Variants in INAVA observed in about 807,000 individuals in gnomAD.
The protein encoded by INAVA is innate immunity activator protein.
INAVA carries 32 observed loss-of-function variants against 55.3 expected under a neutral mutation model. The observed-to-expected ratio is 0.58, with a 90% CI of 0.44 to 0.78. The LOEUF is 0.78. INAVA is among the 30% of genes least tolerant of loss of function. The pLI is 0.00. For missense variants in INAVA, 756 were observed against 786.4 expected (o/e 0.96, Z 0.46); for synonymous variants, 294 against 329.4 (o/e 0.89, Z 1.16).
At chr1:200,896,325 G>A (rs1668350590) in intron 1 of INAVA, among the ~76,000 whole-genome samples, 2 of 127,488 alleles carry the variant, frequency 1.6e-5, no homozygotes, top group South Asian at 5.2e-4. Context: ...CCTGCTCTTG[G>A]CTTCTGGGGA....
intron 9 of INAVA, among the ~76,000 whole-genome samples, chr1:200,912,848 G>T (rs1184654822): frequency 6.6e-6 from 1 of 152,138 alleles, no homozygotes; most frequent in African/African-American, 2.4e-5. Flanking sequence ...TTATCATCTG[G>T]GGCCACAGAG....
Position 200,902,648 on chromosome 1 carries a change from C to T in INAVA, c.520+1489C>T, listed in dbSNP as rs980569023. ...CTTGAAAGGTAGCTGCTGAATTGGA[C>T]ATGGAAGCCCCTAAGGGCCAACTTG... On this transcript the variant is annotated intron_variant, in intron 5 of 9. Coordinates refer to ENST00000413687, the MANE Select transcript of INAVA (RefSeq NM_001142569.3). 1.1e-4 allele frequency among the ~76,000 whole-genome samples: 17 copies of T among 152,350 alleles called. No individual in the cohort carries two copies. In the South Asian group the frequency reaches 1.5e-3, roughly 13 times the overall value.
chr1:200,894,173 C>CTTAG (rs1201026699), upstream of INAVA, among the ~76,000 whole-genome samples: 1 of 152,048 alleles, frequency 6.6e-6, no homozygotes, highest in Non-Finnish European at 1.5e-5. Context: ...GGGGAGTGGA[C>CTTAG]TTAGGGTCTG....
At chr1:200,913,299 AGGAGGAGGT>A (rs1653823749) in intron 9 of INAVA, among the ~76,000 whole-genome samples, 4 of 152,086 alleles carry the variant, frequency 2.6e-5, no homozygotes, top group Non-Finnish European at 5.9e-5. Context: ...AAGGTGGGGG[AGGAGGAGGT>A]CAGGGCGCCT....
At chr1:200,910,614 C>T (rs1653671003) in intron 8 of INAVA, among the ~76,000 whole-genome samples, 1 of 152,188 alleles carries the variant, frequency 6.6e-6, no homozygotes, top group Admixed American at 6.5e-5. Flanking sequence ...CAGAGTCTTG[C>T]TCTGTCATCC....
In INAVA at chr1:200,904,925, T is replaced by C. The variant is rs182871692; in HGVS notation, c.521-2909T>C. Among the ~76,000 whole-genome samples the C allele has an allele frequency of 1.6e-3, 246 of 152,192 alleles. 1 individual carries two copies. The highest frequency in any genetic ancestry group is 4.3e-3 in the Admixed American group (65 of 15,282). On this transcript the variant is annotated intron_variant, in intron 5 of 9. Coordinates refer to ENST00000413687, the MANE Select transcript of INAVA (RefSeq NM_001142569.3). ...AAAACAAAACAAAACAAAAAAACTA[T>C]TTTAGAGATGGGATCTTGCTATATT...
intron 1 of INAVA, among the ~76,000 whole-genome samples, chr1:200,896,815 T>A (rs1413185693): frequency 6.6e-6 from 1 of 152,236 alleles, no homozygotes; most frequent in Non-Finnish European, 1.5e-5. Flanking sequence ...GACTTTTCTG[T>A]CGTGTTGGCT....
intron 8 of INAVA, 68 bp from the exon 9 acceptor site, chr1:200,911,385 C>T: frequency 1.4e-6 from 2 of 1,449,394 alleles, no homozygotes; most frequent in South Asian, 2.5e-5. Flanking sequence ...TTAACTCCAC[C>T]TCCCGCCCCA....
chr1:200,896,817 G>A (rs1021915473), intron 1 of INAVA, among the ~76,000 whole-genome samples: 9 of 152,254 alleles, frequency 5.9e-5, no homozygotes, highest in African/African-American at 1.9e-4. Flanking sequence ...CTTTTCTGTC[G>A]TGTTGGCTGC....
chr1:200,897,088 GA>G (rs949902883), intron 1 of INAVA, among the ~76,000 whole-genome samples: 5 of 152,258 alleles, frequency 3.3e-5, no homozygotes, highest in African/African-American at 1.2e-4. Context: ...TGAGGAGGGA[GA>G]GGGGGTGGGC....
At chr1:200,913,165 C>T (rs972734098) in intron 9 of INAVA, among the ~76,000 whole-genome samples, 29 of 152,262 alleles carry the variant, frequency 1.9e-4, no homozygotes, top group African/African-American at 6.3e-4. Context: ...GGCCCCGGTC[C>T]GAGGCCGCGC....
Position 200,894,941 on chromosome 1 carries a change from A to C in INAVA, c.-241A>C, listed in dbSNP as rs1668309803. 2.0e-6 allele frequency: 2 copies of C among 985,570 alleles called. No homozygotes were observed. The highest frequency in any genetic ancestry group is 2.4e-6 in the Non-Finnish European group (2 of 830,160). 61.1% of individuals were successfully genotyped at this position (985,570 alleles called of 1,614,324 possible). A position where few individuals can be genotyped will look rare whatever the true frequency, so the allele number is the denominator to read the frequency against. On this transcript the variant is annotated 5_prime_UTR_variant, in exon 1 of 10. Transcript: ENST00000413687. The stretch of plus-strand genomic sequence containing the variant: ...CGGCAAGGTAGGCAGGTGAGCCGAG[A>C]CGGACGGACGGCCAGCAGCTCCGTC...
chr1:200,900,177 T>C lies in INAVA; in HGVS notation c.254T>C (p.Ile85Thr). Residue 85 changes from isoleucine to threonine, a missense_variant, in exon 4 of 10, where the codon ATC (isoleucine) becomes ACC (threonine). Coordinates refer to ENST00000413687, the MANE Select transcript of INAVA (RefSeq NM_001142569.3). ...AAGGCCCCCAAGGTTCGCCGCAGGA[T>C]CGGAGCGGCTTACAAACTGGATGAC... ...GEKAPKVRRR[I>T]GAAYKLDDWA... 1 of 1,614,086 alleles carries C rather than the reference T, an allele frequency of 6.2e-7. No homozygotes were observed. The highest frequency in any genetic ancestry group is 8.5e-7 in the Non-Finnish European group (1 of 1,179,968).
At position 200,911,898 on chromosome 1, in the gene INAVA, C is replaced by T. The variant is rs61745433; in HGVS notation, c.1405C>T (p.Arg469Cys). 1,726 of 1,581,504 alleles carry T rather than the reference C, an allele frequency of 1.1e-3. 4 individuals are homozygous for T. Among genetic ancestry groups the T allele is most frequent in the Middle Eastern group, 5.2e-3 (23 of 4,466 alleles). Residue 469 changes from arginine to cysteine, a missense_variant, in exon 9 of 10, where the codon CGC becomes TGC. Arg to Cys is a radical substitution (Grantham distance 180, BLOSUM62 -3). This residue lies in a region of INAVA where 117 missense variants were observed against 162.1 expected (regional missense o/e 0.72). Transcript: ENST00000413687. ...PAYEEEGTPL[R>C]YQRLVPSRSR... ...TTACGAGGAGGAGGGCACTCCCCTG[C>T]GCTACCAGCGTCTGGTGCCCTCCCG... is the stretch of plus-strand genomic sequence containing the variant.
At chr1:200,909,500 G>A (rs1430093262) in intron 8 of INAVA, 103 bp downstream of exon 8, 2 of 1,085,248 alleles carry the variant, frequency 1.8e-6, no homozygotes, top group Non-Finnish European at 2.5e-6. Flanking sequence ...GGTGACACAT[G>A]GCTAGTGCCT....
chr1:200,908,884 C>T lies in INAVA; in HGVS notation c.729C>T (p.Ser243=). ...AGAACAGCCCCTGGAAGGAAACCAG[C>T]CTGGACCACCCCTATGAGAAGCCCA... The part of the protein sequence containing the change: ...PVQNSPWKET[S]LDHPYEKPRK... The change falls in exon 7 of 10, where the codon AGC becomes AGT. Residue 243 remains serine, a synonymous_variant. Coordinates refer to ENST00000413687, the MANE Select transcript of INAVA (RefSeq NM_001142569.3). 1.9e-6 allele frequency: 3 copies of T among 1,613,976 alleles called. No individual in the cohort carries two copies. The highest frequency in any genetic ancestry group is 1.1e-5 in the South Asian group (1 of 91,076).
At chr1:200,906,890 A>G (rs985555122) in intron 5 of INAVA, among the ~76,000 whole-genome samples, 1 of 152,080 alleles carries the variant, frequency 6.6e-6, no homozygotes, top group Admixed American at 6.5e-5. Context: ...CGGTGGTGTG[A>G]TCACGGCTCA....
intron 5 of INAVA, 43 bp from the exon 6 acceptor site, chr1:200,907,791 A>G: frequency 6.4e-7 from 1 of 1,574,464 alleles, no homozygotes; most frequent in Non-Finnish European, 8.7e-7. Flanking sequence ...CTGTTTGTTC[A>G]TTTCTTCACT....
chr1:200,899,730 G>T, intron 3 of INAVA, 133 bp downstream of exon 3: 1 of 1,336,988 alleles, frequency 7.5e-7, no homozygotes, highest in South Asian at 1.5e-5. Context: ...GGGGGCTGGG[G>T]CCCAGAGTCC....
Sources: allele counts gnomAD v4.1 joint callset (sites outside exome capture counted in the v4.1 genomes callset), GRCh38; gene constraint gnomAD v4.1.1; regional missense constraint gnomAD v4.1.1; transcripts MANE v1.5; gene names NCBI Gene and HGNC (gene_info 2026-07-23, HGNC 2026-07-21).